The following EXOC6 variants were observed in gnomAD, a reference collection of about 807,000 sequenced individuals.
EXOC6 encodes SEC15-like 1.
In EXOC6, 60 loss-of-function variants were observed where a neutral mutation model predicts 112.5. The observed-to-expected ratio is 0.53, with a 90% CI of 0.43 to 0.66. The LOEUF is 0.66. EXOC6 is among the 30% of genes least tolerant of loss of function. EXOC6 has a pLI of 0.00. For missense variants in EXOC6, 855 were observed against 957.1 expected (o/e 0.89, Z 1.41); for synonymous variants, 295 against 308.0 (o/e 0.96, Z 0.44).
chr10:92,857,219 A>G (rs1308549386), intron 1 of EXOC6, among the ~76,000 whole-genome samples: 1 of 151,706 alleles, frequency 6.6e-6, no homozygotes, highest in Non-Finnish European at 1.5e-5. Flanking sequence ...GCATTAAGCA[A>G]ATATTTTCTG....
At chr10:92,867,845 A>C (rs1250978413) in intron 1 of EXOC6, among the ~76,000 whole-genome samples, 1 of 152,094 alleles carries the variant, frequency 6.6e-6, no homozygotes, top group Non-Finnish European at 1.5e-5. Context: ...ATATATCTGC[A>C]TTTTTTTGGA....
At chr10:93,001,380 C>G (rs1843748375) in intron 19 of EXOC6, among the ~76,000 whole-genome samples, 3 of 152,194 alleles carry the variant, frequency 2.0e-5, no homozygotes, top group Admixed American at 6.5e-5. Flanking sequence ...TGGGAGATTA[C>G]TCTTCAGAAA....
intron 14 of EXOC6, among the ~76,000 whole-genome samples, chr10:92,949,174 T>C (rs1273605642): frequency 1.3e-5 from 2 of 152,200 alleles, no homozygotes; most frequent in Non-Finnish European, 2.9e-5. Flanking sequence ...TCCCAACTTT[T>C]TGTAATTCAG....
At chr10:93,014,475 G>A (rs1418297388) in intron 20 of EXOC6, among the ~76,000 whole-genome samples, 1 of 152,096 alleles carries the variant, frequency 6.6e-6, no homozygotes, top group East Asian at 1.9e-4. Flanking sequence ...ATTCTCATCA[G>A]TGAATATTCA....
At chr10:92,833,043 T>C (rs1846541527), upstream of EXOC6, among the ~76,000 whole-genome samples, 1 of 152,206 alleles carries the variant, frequency 6.6e-6, no homozygotes, top group Non-Finnish European at 1.5e-5. Flanking sequence ...GTGTGAGCCA[T>C]ATTGGTGCTG....
chr10:92,843,976 C>CAA (rs34641974), upstream of EXOC6, among the ~76,000 whole-genome samples: 9,224 of 37,526 alleles, frequency 0.25, 1,695 homozygotes, highest in Non-Finnish European at 0.31. Context: ...GACTCTGTCT[C>CAA]AAAAAAAAAA....
intron 1 of EXOC6, among the ~76,000 whole-genome samples, chr10:92,863,526 C>T (rs577853251): frequency 3.6e-4 from 55 of 152,220 alleles, no homozygotes; most frequent in Non-Finnish European, 7.2e-4. Flanking sequence ...CTTATAATTT[C>T]GGCACTTTGG....
At chr10:92,834,729 C>G (rs1176971376) in exon 1 of EXOC6, 1 of 1,600,874 alleles carries the variant, frequency 6.2e-7, no homozygotes, top group Non-Finnish European at 8.5e-7. Flanking sequence ...AATTAGGGGC[C>G]TGTCGAGCGA....
At chr10:92,942,678 T>C (rs1243832686) in intron 13 of EXOC6, among the ~76,000 whole-genome samples, 1 of 152,192 alleles carries the variant, frequency 6.6e-6, no homozygotes, top group South Asian at 2.1e-4. Flanking sequence ...TAATATGATA[T>C]TTTTATAGTT....
chr10:92,862,641 GTTATAGCAGTCCATA>G (rs1288245194), intron 1 of EXOC6, among the ~76,000 whole-genome samples: 1 of 152,128 alleles, frequency 6.6e-6, no homozygotes, highest in African/African-American at 2.4e-5. Context: ...ACAGTATTTA[GTTATAGCAGTCCATA>G]TGGACTGCTA....
intron 9 of EXOC6, among the ~76,000 whole-genome samples, chr10:92,929,976 GA>G (rs1851939144): frequency 6.6e-6 from 1 of 152,146 alleles, no homozygotes; most frequent in Non-Finnish European, 1.5e-5. Flanking sequence ...CAAGTCCAAG[GA>G]ATCCCAGGTA....
intron 11 of EXOC6, 63 bp downstream of exon 11, chr10:92,934,493 CATA>C (rs1852239475): frequency 7.2e-7 from 1 of 1,379,478 alleles, no homozygotes; most frequent in Admixed American, 2.7e-5. Context: ...TTCTGAGCTG[CATA>C]ATGTCAGAGG....
chr10:92,935,823 A>G lies in EXOC6; in HGVS notation c.1150A>G (p.Thr384Ala). Reference protein sequence around the residue: ...AVLRAHSSYCTDPDLVLELKN... With the variant: ...AVLRAHSSYCADPDLVLELKN... ...GTGTTTCCACCCTCAGTCCTATTGC[A>G]CTGATCCTGATCTTGTTCTGGAGCT... Residue 384 changes from threonine (T) to alanine (A), a missense_variant, in exon 12 of 22, where the codon ACT becomes GCT. Physicochemically the swap from Thr to Ala is moderately conservative, Grantham distance 58. This residue lies in a region of EXOC6 where 450 missense variants were observed against 563.5 expected (regional missense o/e 0.80). Transcript: ENST00000260762. 6.2e-7 allele frequency: 1 copy of G among 1,608,372 alleles called. No homozygotes were observed. The highest frequency in any genetic ancestry group is 1.3e-5 in the African/African-American group (1 of 74,744).
intron 1 of EXOC6, among the ~76,000 whole-genome samples, chr10:92,882,121 A>G (rs1232816630): frequency 2.0e-5 from 3 of 151,614 alleles, no homozygotes; most frequent in African/African-American, 7.3e-5. Flanking sequence ...GAAAATGTTA[A>G]GAGTACTGGA....
intron 7 of EXOC6, among the ~76,000 whole-genome samples, chr10:92,916,345 A>T (rs1248742109): frequency 6.6e-6 from 1 of 152,140 alleles, no homozygotes; most frequent in Non-Finnish European, 1.5e-5. Context: ...CCCTGTCTCT[A>T]CTAAAAATAT....
chr10:93,016,642 T>C (rs776834936), intron 20 of EXOC6, among the ~76,000 whole-genome samples: 15 of 152,320 alleles, frequency 9.8e-5, no homozygotes, highest in Non-Finnish European at 2.2e-4. Context: ...AGAAATGGTA[T>C]TTAACTTGCT....
chr10:93,019,409 T>C (rs1041815649), intron 20 of EXOC6, among the ~76,000 whole-genome samples: 1 of 152,248 alleles, frequency 6.6e-6, no homozygotes, highest in East Asian at 1.9e-4. Flanking sequence ...AATATACTTA[T>C]GAACAAAATC....
upstream of EXOC6, among the ~76,000 whole-genome samples, chr10:92,845,626 A>C (rs2133602321): frequency 6.6e-6 from 1 of 151,794 alleles, no homozygotes; most frequent in South Asian, 2.1e-4. Context: ...TATTTGATAT[A>C]TCTATGTCCA....
At position 92,997,494 on chromosome 10, in the gene EXOC6, T is replaced by C; in HGVS notation, c.1974T>C (p.Ala658=). 1 of 1,612,152 alleles carries C rather than the reference T, an allele frequency of 6.2e-7. No individual in the cohort carries two copies. Among genetic ancestry groups the C allele is most frequent in the Non-Finnish European group, 8.5e-7 (1 of 1,178,924 alleles). Residue 658 remains alanine (A), a synonymous_variant, in exon 19 of 22, where the codon GCT becomes GCC. Coordinates refer to ENST00000260762, the MANE Select transcript of EXOC6 (RefSeq NM_019053.6). ...AACAGGGGAAAGTTGCTCAGACAGC[T>C]TGCATGTCAGCCTGCCAGCATCTGT... is the stretch of plus-strand genomic sequence containing the variant. ...THLPGKVAQT[A]CMSACQHLST...
Sources: gnomAD v4.1 joint callset for allele counts (sites outside exome capture counted in the v4.1 genomes callset) on GRCh38, gnomAD v4.1.1 for gene constraint, gnomAD v4.1.1 regional missense constraint, MANE v1.5 for transcripts, NCBI Gene and HGNC (gene_info 2026-07-23, HGNC 2026-07-21) for gene names.